PDCD6IP: variants seen among roughly 807,000 people sequenced by gnomAD.
PDCD6IP encodes programmed cell death 6-interacting protein.
PDCD6IP carries 43 observed loss-of-function variants against 103.7 expected under a neutral mutation model. The observed-to-expected ratio is 0.41, with a 90% CI of 0.32 to 0.53. The LOEUF is 0.53. Ranked by LOEUF, PDCD6IP falls within the 20% of genes least tolerant of loss-of-function variation. The pLI is 0.16. For synonymous variants in PDCD6IP, 354 were observed against 378.7 expected (o/e 0.93, Z 0.76); for missense variants, 871 against 1,036.7 (o/e 0.84, Z 2.20).
chr3:33,861,183 C>CG (rs1329188755), intron 15 of PDCD6IP, among the ~76,000 whole-genome samples: 2 of 149,820 alleles, frequency 1.3e-5, no homozygotes, highest in Non-Finnish European at 3.0e-5. Context: ...CTTGCTCTGT[C>CG]GCTCAGGCTG....
At chr3:33,859,714 A>G (rs1012106980) in intron 15 of PDCD6IP, among the ~76,000 whole-genome samples, 1 of 152,232 alleles carries the variant, frequency 6.6e-6, no homozygotes, top group African/African-American at 2.4e-5. Context: ...GATTTCATAC[A>G]TTGCCGTGAG....
intron 15 of PDCD6IP, among the ~76,000 whole-genome samples, chr3:33,859,546 G>A (rs192640624): frequency 7.8e-4 from 119 of 152,148 alleles, no homozygotes; most frequent in Admixed American, 3.0e-3. Context: ...GAATTTTGCA[G>A]ACAAGGAAAT....
intron 4 of PDCD6IP, among the ~76,000 whole-genome samples, chr3:33,824,473 G>A (rs1291021342): frequency 3.9e-5 from 6 of 152,000 alleles, no homozygotes; most frequent in Admixed American, 3.9e-4. Flanking sequence ...GGCCAGGCTG[G>A]TCTTGAACTC....
intron 1 of PDCD6IP, among the ~76,000 whole-genome samples, chr3:33,807,844 C>A (rs561677376): frequency 6.6e-6 from 1 of 152,214 alleles, no homozygotes; most frequent in Non-Finnish European, 1.5e-5. Context: ...TTTTTCCCAG[C>A]AGAGTCTAGA....
At chr3:33,854,837 A>G (rs534538697) in intron 14 of PDCD6IP, 1 of 160,372 alleles carries the variant, frequency 6.2e-6, no homozygotes, top group Non-Finnish European at 1.4e-5. Flanking sequence ...TTGAAAACCT[A>G]ATCCTTCCAC....
rs1173163869 is a variant in PDCD6IP, at chr3:33,800,119, CAAAAAA to C, written c.209+1203_209+1208del. On this transcript the variant is annotated intron_variant, in intron 1 of 17. Coordinates refer to ENST00000307296, the MANE Select transcript of PDCD6IP (RefSeq NM_013374.6). The stretch of plus-strand genomic sequence containing the variant: ...TGGGCGACAGAGTGAGACTCCATCT[CAAAAAA>C]AAAAAAAAAAAAAAAAAAAAGTAAG... 4.0e-3 allele frequency among the ~76,000 whole-genome samples: 202 copies of C among 50,854 alleles called. 2 individuals are homozygous for C. The highest frequency in any genetic ancestry group is 0.012 in the African/African-American group (157 of 13,484). The allele number at this position is 50,854 out of a possible 152,430, so 33.4% of individuals were successfully genotyped here. A position where few individuals can be genotyped will look rare whatever the true frequency, so the allele number is the denominator to read the frequency against.
chr3:33,844,083 T>G (rs769403487), intron 10 of PDCD6IP, 29 bp from the exon 11 acceptor site: 26 of 1,345,964 alleles, frequency 1.9e-5, no homozygotes, highest in Non-Finnish European at 2.4e-5. Context: ...GAAATGACAT[T>G]TCAGGGTTCT....
In PDCD6IP at chr3:33,865,169, T is replaced by G. The variant is rs1430485368; in HGVS notation, c.2245-74T>G. ...GGATTCTAGAGTTTCTCATATGTCC[T>G]TATTAATTTTAATTAATAGCAATTT... is the stretch of plus-strand genomic sequence containing the variant. On this transcript the variant is annotated intron_variant, in intron 16 of 17. Transcript: ENST00000307296. 3.9e-6 allele frequency: 4 copies of G among 1,030,678 alleles called. No individual in the cohort carries two copies. In the Admixed American group the frequency reaches 1.2e-4, roughly 31 times the overall value. 63.8% of individuals were successfully genotyped at this position (1,030,678 alleles called of 1,614,324 possible).
intron 9 of PDCD6IP, 48 bp from the exon 10 acceptor site, chr3:33,841,849 G>A: frequency 8.0e-7 from 1 of 1,244,770 alleles, no homozygotes; most frequent in South Asian, 1.4e-5. Flanking sequence ...TTGATGAGGA[G>A]TTAAATTGTT....
At chr3:33,836,401 GAAT>G in intron 8 of PDCD6IP, 135 bp downstream of exon 8, 2 of 605,780 alleles carry the variant, frequency 3.3e-6, no homozygotes, top group South Asian at 4.2e-5. Flanking sequence ...ATGAATATGA[GAAT>G]AAATATTGTG....
At chr3:33,811,105 C>A in intron 1 of PDCD6IP, 1 of 432,940 alleles carries the variant, frequency 2.3e-6, no homozygotes, top group South Asian at 1.6e-5. Context: ...AGGCTGGTCT[C>A]GAACTCTGGG....
chr3:33,817,843 A>G (rs1051020115), intron 3 of PDCD6IP, among the ~76,000 whole-genome samples: 7 of 152,094 alleles, frequency 4.6e-5, no homozygotes, highest in African/African-American at 1.7e-4. Context: ...ATCTTTGAAA[A>G]AAAGGAAAAT....
intron 6 of PDCD6IP, chr3:33,827,340 A>AT: frequency 4.3e-5 from 20 of 469,220 alleles, no homozygotes; most frequent in East Asian, 3.1e-4. Context: ...CTGTTACATG[A>AT]TTTTTTTTGG....
At chr3:33,827,837 T>C (rs1697163658) in intron 6 of PDCD6IP, 1 of 152,182 alleles carries the variant, frequency 6.6e-6, no homozygotes. Context: ...TCTTTTATTT[T>C]TTCCTTTTTA....
chr3:33,829,025 C>A, intron 7 of PDCD6IP, 56 bp downstream of exon 7: 1 of 1,402,112 alleles, frequency 7.1e-7, no homozygotes, highest in Middle Eastern at 2.2e-4. Context: ...TCTTTTTTTT[C>A]CTAGTGAGAT....
intron 7 of PDCD6IP, chr3:33,835,411 G>T (rs1697324654): frequency 2.3e-6 from 1 of 427,418 alleles, no homozygotes; most frequent in Non-Finnish European, 4.7e-6. Flanking sequence ...TAATTCTTTG[G>T]ATGTAGAAAT....
intron 6 of PDCD6IP, chr3:33,828,648 A>G (rs1697181511): frequency 1.0e-5 from 4 of 382,644 alleles, no homozygotes; most frequent in Non-Finnish European, 1.4e-5. Context: ...TTCAATTGGA[A>G]GAAAAAAAAT....
At chr3:33,864,277 G>A (rs1698018603) in intron 16 of PDCD6IP, 148 bp downstream of exon 16, 1 of 577,832 alleles carries the variant, frequency 1.7e-6, no homozygotes, top group Non-Finnish European at 3.1e-6. Context: ...GCAATATGTA[G>A]AACACAGCAT....
chr3:33,844,060 A>C, intron 10 of PDCD6IP, 52 bp from the exon 11 acceptor site: 1 of 1,104,608 alleles, frequency 9.1e-7, no homozygotes, highest in Non-Finnish European at 1.4e-6. Flanking sequence ...AATGTATTAA[A>C]GTTTTTATAC....
Sources: allele counts gnomAD v4.1 joint callset (sites outside exome capture counted in the v4.1 genomes callset), GRCh38; gene constraint gnomAD v4.1.1; transcripts MANE v1.5; gene names NCBI Gene and HGNC (gene_info 2026-07-23, HGNC 2026-07-21).